Variants in CRYBA4 observed in about 807,000 individuals in gnomAD.
The protein encoded by CRYBA4 is beta-crystallin A4.
In CRYBA4, 30 loss-of-function variants were observed where a neutral mutation model predicts 31.7. The observed-to-expected ratio is 0.95, with a 90% CI of 0.71 to 1.28. The LOEUF (loss-of-function observed/expected upper bound fraction) is 1.28. CRYBA4 is among the 50% of genes most tolerant of loss of function. The pLI is 0.00. For missense variants in CRYBA4, 225 were observed against 260.7 expected, an observed-to-expected ratio of 0.86 and a Z score of 0.94; for synonymous variants, 102 against 102.3, an observed-to-expected ratio of 1.00 and a Z score of 0.02.
At chr22:26,601,746 C>A in the CRYBA4 span, 1 of 1,440,454 alleles carries the variant, frequency 6.9e-7, no homozygotes, top group Non-Finnish European at 9.5e-7. Flanking sequence ...ATCCCAGGAA[C>A]CAGCACTGGG....
Position 26,630,579 on chromosome 22 carries a change from T to C in CRYBA4, c.*92T>C. ...TGTGTTCTCTCCTTCTGCCTCCCCC[T>C]GTAACCTGTGTGAACCCAGCACCCA... On this transcript the variant is annotated 3_prime_UTR_variant, in exon 6 of 6. Transcript: ENST00000354760. 8.9e-7 allele frequency: 1 copy of C among 1,119,868 alleles called. No individual in the cohort carries two copies. Among genetic ancestry groups the C allele is most frequent in the South Asian group, 1.3e-5 (1 of 75,126 alleles). The allele number at this position is 1,119,868 out of a possible 1,614,324, so 69.4% of individuals were successfully genotyped here.
the CRYBA4 span, chr22:26,590,224 C>G: frequency 1.4e-5 from 2 of 147,924 alleles, no homozygotes; most frequent in Admixed American, 1.3e-4. Flanking sequence ...CCCTCCACTG[C>G]GCCTCGGGAC....
chr22:26,630,358 T>A lies in CRYBA4; in HGVS notation c.462T>A (p.Phe154Leu). Residue 154 changes from phenylalanine (F) to leucine (L), a missense_variant, in exon 6 of 6, where the codon TTT (phenylalanine) becomes TTA (leucine). Coordinates refer to ENST00000354760, the MANE Select transcript of CRYBA4 (RefSeq NM_001886.3). ...VHSGAWVCSQ[F>L]PGYRGFQYVL... ...TTTCCAGCTGGGTTTGCTCCCAGTTTCCGGGCTACCGAGGATTTCAGTATG... is the reference window on the plus strand; with the variant it reads ...TTTCCAGCTGGGTTTGCTCCCAGTTACCGGGCTACCGAGGATTTCAGTATG... 1 of 1,614,248 alleles carries A rather than the reference T, an allele frequency of 6.2e-7. No individual in the cohort carries two copies. The highest frequency in any genetic ancestry group is 8.5e-7 in the Non-Finnish European group (1 of 1,180,026).
chr22:26,597,242 C>A, the CRYBA4 span, among the ~76,000 whole-genome samples: 3 of 152,160 alleles, frequency 2.0e-5, no homozygotes, highest in East Asian at 1.9e-4. Context: ...CCCACACAAC[C>A]ACCAAGCTAA....
chr22:26,610,770 G>A, the CRYBA4 span, among the ~76,000 whole-genome samples: 19 of 152,180 alleles, frequency 1.2e-4, no homozygotes, highest in Non-Finnish European at 2.5e-4. Flanking sequence ...ATAATCCTGT[G>A]AGGAGTGGTG....
chr22:26,615,108 A>G, the CRYBA4 span, among the ~76,000 whole-genome samples: 1 of 152,246 alleles, frequency 6.6e-6, no homozygotes, highest in African/African-American at 2.4e-5. Context: ...ATGATTAAAT[A>G]GGTACATAAA....
the CRYBA4 span, among the ~76,000 whole-genome samples, chr22:26,597,573 C>A: frequency 6.6e-6 from 1 of 152,174 alleles, no homozygotes; most frequent in Non-Finnish European, 1.5e-5. Flanking sequence ...TCTTTCAAGG[C>A]CCCCTTCAGA....
At chr22:26,614,308 C>T in the CRYBA4 span, among the ~76,000 whole-genome samples, 6 of 152,300 alleles carry the variant, frequency 3.9e-5, no homozygotes, top group East Asian at 7.7e-4. Context: ...GCTTGTGGGG[C>T]ATCACGGAAC....
the CRYBA4 span, among the ~76,000 whole-genome samples, chr22:26,597,760 G>A: frequency 6.6e-6 from 1 of 152,214 alleles, no homozygotes; most frequent in Admixed American, 6.5e-5. Context: ...CTCCAGGATT[G>A]AGTAACACTG....
intron 5 of CRYBA4, among the ~76,000 whole-genome samples, chr22:26,629,364 T>C (rs1413473157): frequency 6.6e-6 from 1 of 152,042 alleles, no homozygotes; most frequent in Non-Finnish European, 1.5e-5. Flanking sequence ...CCCTTGTGAT[T>C]CTTGAGTTCA....
At chr22:26,607,116 G>A in the CRYBA4 span, among the ~76,000 whole-genome samples, 1 of 145,422 alleles carries the variant, frequency 6.9e-6, no homozygotes, top group African/African-American at 2.6e-5. Flanking sequence ...TCTGGCTCCC[G>A]GGTTCAAGTA....
the CRYBA4 span, chr22:26,607,912 T>A: frequency 6.2e-7 from 1 of 1,614,120 alleles, no homozygotes; most frequent in Non-Finnish European, 8.5e-7. Context: ...CGGAAGGACA[T>A]GAGCCGATCA....
chr22:26,605,671 C>CA, the CRYBA4 span, among the ~76,000 whole-genome samples: 11,954 of 53,550 alleles, frequency 0.22, 1,357 homozygotes, highest in East Asian at 0.38. Flanking sequence ...AGATGTGTCT[C>CA]AAAAAAAAAA....
the CRYBA4 span, chr22:26,616,390 C>T: frequency 8.3e-7 from 1 of 1,197,672 alleles, no homozygotes; most frequent in Middle Eastern, 2.1e-4. Flanking sequence ...TGCCTCCTGC[C>T]CTCATAGCCC....
the CRYBA4 span, among the ~76,000 whole-genome samples, chr22:26,592,328 A>G: frequency 1.1e-4 from 16 of 152,234 alleles, no homozygotes; most frequent in African/African-American, 3.1e-4. Flanking sequence ...TCAGCAGCTA[A>G]CAGGGGGACA....
the CRYBA4 span, among the ~76,000 whole-genome samples, chr22:26,591,775 C>CGAGG: frequency 6.7e-6 from 1 of 149,290 alleles, no homozygotes; most frequent in Non-Finnish European, 1.5e-5. Flanking sequence ...GGGCATGGTG[C>CGAGG]TGCTCACCTG....
At position 26,625,647 on chromosome 22, in the gene CRYBA4, C is replaced by A. The variant is rs199850265; in HGVS notation, c.300+25C>A. 3.2e-5 allele frequency: 52 copies of A among 1,612,296 alleles called. No individual in the cohort carries two copies. The East Asian group carries it at 1.1e-3, about 33-fold the overall frequency. On this transcript the variant is annotated intron_variant, in intron 4 of 5. Coordinates refer to ENST00000354760, the MANE Select transcript of CRYBA4 (RefSeq NM_001886.3). ...TGTAAGTTCTACCACTGCTGCATCC[C>A]GGGGAGGCCCAAGCCCCTCATGTGG...
the CRYBA4 span, chr22:26,599,322 G>A: frequency 1.6e-6 from 1 of 636,356 alleles, no homozygotes; most frequent in Non-Finnish European, 2.8e-6. Context: ...TAATTATTAA[G>A]AGCGAGGAAG....
At chr22:26,624,277 G>T (rs548511642) in intron 3 of CRYBA4, among the ~76,000 whole-genome samples, 13 of 152,138 alleles carry the variant, frequency 8.5e-5, no homozygotes, top group African/African-American at 2.9e-4. Flanking sequence ...AGTTCTAGAA[G>T]TTTGGAAAGT....
Sources: allele counts gnomAD v4.1 joint callset (sites outside exome capture counted in the v4.1 genomes callset), GRCh38; gene constraint gnomAD v4.1.1; transcripts MANE v1.5; gene names NCBI Gene and HGNC (gene_info 2026-07-23, HGNC 2026-07-21).